The following BMP2K variants were observed in gnomAD, a reference collection of about 807,000 sequenced individuals.
BMP2K encodes the protein BMP-2-inducible protein kinase.
Under a neutral mutation model 116.0 loss-of-function variants are expected in BMP2K, and 74 were observed. The ratio of observed to expected loss-of-function variants is 0.64; its 90% CI spans 0.53 to 0.77. The LOEUF is 0.77. BMP2K is among the 30% of genes least tolerant of loss of function. The pLI is 0.00. For synonymous variants in BMP2K, 486 were observed against 502.5 expected (o/e 0.97, Z 0.44); for missense variants, 1,365 against 1,403.6 (o/e 0.97, Z 0.44).
At chr4:78,859,535 A>C (rs1373598266) in intron 7 of BMP2K, 49 bp from the exon 8 acceptor site, 1 of 1,254,366 alleles carries the variant, frequency 8.0e-7, no homozygotes, top group Middle Eastern at 1.9e-4. Flanking sequence ...CCTAAGTAGT[A>C]TAATGTGTGT....
At chr4:78,834,451 T>C (rs1266536624) in intron 3 of BMP2K, among the ~76,000 whole-genome samples, 3 of 151,962 alleles carry the variant, frequency 2.0e-5, no homozygotes, top group Non-Finnish European at 4.4e-5. Flanking sequence ...TTAGTAGAGA[T>C]GGGGTTTCAC....
At chr4:78,832,220 A>G (rs1730242009) in intron 2 of BMP2K, among the ~76,000 whole-genome samples, 1 of 152,072 alleles carries the variant, frequency 6.6e-6, no homozygotes, top group Non-Finnish European at 1.5e-5. Flanking sequence ...TATATCTAGG[A>G]GTGGAATTGC....
chr4:78,838,747 T>C (rs769932287), intron 3 of BMP2K, among the ~76,000 whole-genome samples: 10 of 152,220 alleles, frequency 6.6e-5, no homozygotes, highest in Non-Finnish European at 1.3e-4. Context: ...TAAAACAATA[T>C]GTTATATAGC....
At chr4:78,854,350 T>G (rs1415017798) in intron 7 of BMP2K, among the ~76,000 whole-genome samples, 1 of 151,994 alleles carries the variant, frequency 6.6e-6, no homozygotes, top group Non-Finnish European at 1.5e-5. Flanking sequence ...CTTGGCTCAC[T>G]ACAACCTCTG....
intron 3 of BMP2K, among the ~76,000 whole-genome samples, chr4:78,839,329 T>C (rs182101116): frequency 2.6e-4 from 39 of 152,320 alleles, no homozygotes; most frequent in South Asian, 6.2e-4. Flanking sequence ...TAAGAAGGCA[T>C]GTAGAAGCAT....
At chr4:78,810,235 A>G (rs757299697) in intron 1 of BMP2K, among the ~76,000 whole-genome samples, 3 of 152,176 alleles carry the variant, frequency 2.0e-5, no homozygotes, top group African/African-American at 4.8e-5. Context: ...GCTCCTCGTG[A>G]GCCTTCTTTC....
chr4:78,870,565 A>C (rs1247176162), intron 10 of BMP2K, among the ~76,000 whole-genome samples: 2 of 152,200 alleles, frequency 1.3e-5, no homozygotes, highest in Non-Finnish European at 2.9e-5. Context: ...TGTTTCTAAG[A>C]TGTTGACTTG....
intron 14 of BMP2K, among the ~76,000 whole-genome samples, chr4:78,880,423 T>C (rs1421878736): frequency 6.6e-6 from 1 of 152,224 alleles, no homozygotes; most frequent in African/African-American, 2.4e-5. Flanking sequence ...ATCATTATAA[T>C]TTATAGGATT....
intron 15 of BMP2K, among the ~76,000 whole-genome samples, chr4:78,898,644 C>T (rs1262967877): frequency 1.3e-5 from 2 of 148,262 alleles, no homozygotes; most frequent in African/African-American, 2.5e-5. Context: ...GGCGACAGAG[C>T]GAGACTCCAT....
At chr4:78,793,221 C>T (rs1194953304) in intron 1 of BMP2K, among the ~76,000 whole-genome samples, 2 of 151,912 alleles carry the variant, frequency 1.3e-5, no homozygotes, top group African/African-American at 4.8e-5. Flanking sequence ...ACCATCCTGG[C>T]TAACACGGTG....
chr4:78,813,237 A>G (rs1333297639), intron 1 of BMP2K, among the ~76,000 whole-genome samples: 3 of 152,164 alleles, frequency 2.0e-5, no homozygotes, highest in Non-Finnish European at 4.4e-5. Flanking sequence ...TGCCTTCAAA[A>G]TATATCTAGA....
At chr4:78,851,758 G>T (rs951781103) in intron 7 of BMP2K, among the ~76,000 whole-genome samples, 23 of 151,968 alleles carry the variant, frequency 1.5e-4, no homozygotes, top group Admixed American at 9.2e-4. Flanking sequence ...ATAAATCAAA[G>T]ATTTAAATAT....
chr4:78,911,961 A>C lies in BMP2K; in HGVS notation c.3414A>C (p.Pro1138=), dbSNP rs1734649688. ...AACTTGTGGTGCAAAGCATCACTCC[A>C]CATCAGTCCCAACAGTCCCAACCAG... ...FTELVVQSIT[P]HQSQQSQPVE... The change falls in exon 16 of 16, where the codon CCA becomes CCC. Residue 1138 remains proline (P), a synonymous_variant. Transcript: ENST00000502613. 1 of 1,613,878 alleles carries C rather than the reference A, an allele frequency of 6.2e-7. No homozygotes were observed. The highest frequency in any genetic ancestry group is 8.5e-7 in the Non-Finnish European group (1 of 1,179,880).
intron 15 of BMP2K, among the ~76,000 whole-genome samples, chr4:78,901,166 C>G (rs979816509): frequency 1.3e-5 from 2 of 152,110 alleles, no homozygotes; most frequent in African/African-American, 2.4e-5. Flanking sequence ...CTCTCAGCCT[C>G]CCAAGTAGCT....
At chr4:78,842,075 G>A (rs1207643461) in intron 3 of BMP2K, among the ~76,000 whole-genome samples, 1 of 151,918 alleles carries the variant, frequency 6.6e-6, no homozygotes, top group Non-Finnish European at 1.5e-5. Context: ...CCCATAAATA[G>A]TATGGTGTTA....
At chr4:78,839,850 T>A (rs1730671730) in intron 3 of BMP2K, among the ~76,000 whole-genome samples, 1 of 152,148 alleles carries the variant, frequency 6.6e-6, no homozygotes, top group South Asian at 2.1e-4. Context: ...TTATTCTGGC[T>A]GTGCTGGCAG....
At chr4:78,824,497 A>C (rs1729777979) in intron 1 of BMP2K, among the ~76,000 whole-genome samples, 1 of 152,202 alleles carries the variant, frequency 6.6e-6, no homozygotes, top group Non-Finnish European at 1.5e-5. Context: ...GTTATTCACT[A>C]CCACAAGAAC....
chr4:78,779,932 A>T (rs1165698793), intron 1 of BMP2K, among the ~76,000 whole-genome samples: 1 of 152,158 alleles, frequency 6.6e-6, no homozygotes, highest in Non-Finnish European at 1.5e-5. Context: ...TCTCAAAAAC[A>T]TGTTTAGGAG....
chr4:78,797,166 C>T (rs1034425745), intron 1 of BMP2K, among the ~76,000 whole-genome samples: 2 of 152,116 alleles, frequency 1.3e-5, no homozygotes, highest in African/African-American at 4.8e-5. Flanking sequence ...ATATGAATCA[C>T]CTGGGATTTT....
Sources: allele counts gnomAD v4.1 joint callset (sites outside exome capture counted in the v4.1 genomes callset), GRCh38; gene constraint gnomAD v4.1.1; transcripts MANE v1.5; gene names NCBI Gene and HGNC (gene_info 2026-07-23, HGNC 2026-07-21).